The following HYCC2 variants were observed in gnomAD, a reference collection of about 807,000 sequenced individuals.
HYCC2 encodes the protein hyccin PI4KA lipid kinase complex subunit 2, also known as hyccin 2.
chr2:201,038,637 G>T, the HYCC2 span, among the ~76,000 whole-genome samples: 46 of 152,068 alleles, frequency 3.0e-4, no homozygotes, highest in African/African-American at 1.1e-3. Context: ...GCAAACTATC[G>T]CAAGGACAAA....
the HYCC2 span, chr2:200,974,552 G>T: frequency 6.6e-6 from 1 of 151,756 alleles, no homozygotes; most frequent in Non-Finnish European, 1.5e-5. Context: ...ATTCAGTATG[G>T]ATGATAAAAC....
the HYCC2 span, chr2:200,997,314 A>G: frequency 1.6e-6 from 1 of 627,774 alleles, no homozygotes; most frequent in Non-Finnish European, 2.8e-6. Flanking sequence ...GGACTCCTAC[A>G]GGAATGCAAG....
the HYCC2 span, among the ~76,000 whole-genome samples, chr2:201,043,649 C>T: frequency 6.6e-6 from 1 of 151,816 alleles, no homozygotes; most frequent in South Asian, 2.1e-4. Context: ...CCTGGGACTA[C>T]AGGCGCCTGC....
the HYCC2 span, chr2:200,978,358 A>G: frequency 6.6e-6 from 1 of 152,126 alleles, no homozygotes; most frequent in Non-Finnish European, 1.5e-5. Flanking sequence ...ATCACCTAAA[A>G]GAATAGAAAA....
the HYCC2 span, among the ~76,000 whole-genome samples, chr2:201,045,183 T>G: frequency 2.6e-5 from 4 of 152,178 alleles, no homozygotes; most frequent in South Asian, 8.3e-4. Flanking sequence ...GGCACAGATA[T>G]AGAATATAGC....
At chr2:201,059,776 T>C in the HYCC2 span, among the ~76,000 whole-genome samples, 5 of 152,126 alleles carry the variant, frequency 3.3e-5, no homozygotes, top group Non-Finnish European at 4.4e-5. Flanking sequence ...CTGGGTGCAG[T>C]GGCTCATGCC....
the HYCC2 span, among the ~76,000 whole-genome samples, chr2:200,998,277 G>A: frequency 6.6e-6 from 1 of 152,108 alleles, no homozygotes; most frequent in African/African-American, 2.4e-5. Flanking sequence ...ACAATATGCT[G>A]TAACCATTCA....
At chr2:201,017,228 T>G in the HYCC2 span, 58 of 1,377,444 alleles carry the variant, frequency 4.2e-5, 1 homozygote, top group South Asian at 8.5e-5. Context: ...AACTGTTGTT[T>G]TTTTTTTTTT....
chr2:201,038,137 A>G, the HYCC2 span, among the ~76,000 whole-genome samples: 1 of 152,236 alleles, frequency 6.6e-6, no homozygotes, highest in African/African-American at 2.4e-5. Flanking sequence ...AAGACACATG[A>G]AAAAATGCTC....
chr2:201,046,712 G>A, the HYCC2 span, among the ~76,000 whole-genome samples: 2 of 152,106 alleles, frequency 1.3e-5, no homozygotes, highest in African/African-American at 4.8e-5. Context: ...AAGTGACAAA[G>A]AAAAAGGCCA....
At chr2:200,991,315 C>T in the HYCC2 span, among the ~76,000 whole-genome samples, 15 of 151,730 alleles carry the variant, frequency 9.9e-5, no homozygotes, top group African/African-American at 2.7e-4. Flanking sequence ...ACTAAAAATA[C>T]AAAAATTCGC....
chr2:201,025,438 GAAAGAAAGAAA>G, the HYCC2 span, among the ~76,000 whole-genome samples: 13 of 148,070 alleles, frequency 8.8e-5, no homozygotes, highest in African/African-American at 2.5e-4. Context: ...GAGATGAAGG[GAAAGAAAGAAA>G]AAAGAAAGAA....
chr2:201,054,567 A>G, the HYCC2 span, among the ~76,000 whole-genome samples: 2 of 152,184 alleles, frequency 1.3e-5, no homozygotes, highest in African/African-American at 4.8e-5. Context: ...AACCCCTTTT[A>G]GTAGGAAATA....
At chr2:201,063,422 A>C in the HYCC2 span, 1 of 1,590,538 alleles carries the variant, frequency 6.3e-7, no homozygotes, top group Non-Finnish European at 8.5e-7. Context: ...TGTTGGTGGC[A>C]TTAAAGAAGA....
the HYCC2 span, among the ~76,000 whole-genome samples, chr2:201,026,458 G>C: frequency 6.6e-6 from 1 of 152,150 alleles, no homozygotes; most frequent in Non-Finnish European, 1.5e-5. Context: ...TCTGCACCAA[G>C]CACACCTAAT....
the HYCC2 span, chr2:200,981,422 C>T: frequency 6.2e-7 from 1 of 1,614,172 alleles, no homozygotes. This position sits in a 1 kb window ranked among gnomAD's most constrained non-coding sequence, Gnocchi z 4.5. Flanking sequence ...GCATTGTTGG[C>T]TGCTAAATTA....
At chr2:200,986,068 T>C in the HYCC2 span, among the ~76,000 whole-genome samples, 2 of 152,224 alleles carry the variant, frequency 1.3e-5, no homozygotes, top group African/African-American at 2.4e-5. Context: ...TATTGTTATG[T>C]GTTTATACAA....
the HYCC2 span, among the ~76,000 whole-genome samples, chr2:201,051,137 C>A: frequency 6.6e-6 from 1 of 152,052 alleles, no homozygotes; most frequent in Non-Finnish European, 1.5e-5. Flanking sequence ...AACGGCAGTT[C>A]AGGAGAAAAT....
the HYCC2 span, among the ~76,000 whole-genome samples, chr2:201,070,498 C>T: frequency 6.6e-6 from 1 of 151,936 alleles, no homozygotes; most frequent in Admixed American, 6.6e-5. Flanking sequence ...ACTAAAAATA[C>T]AAAATTAGTC....
Sources: allele counts gnomAD v4.1 joint callset (sites outside exome capture counted in the v4.1 genomes callset), GRCh38; gene constraint gnomAD v4.1.1; non-coding constraint Gnocchi (gnomAD v3.1); transcripts MANE v1.5; gene names NCBI Gene and HGNC (gene_info 2026-07-23, HGNC 2026-07-21).